The following NNT variants were observed in gnomAD, a reference collection of about 807,000 sequenced individuals.
The protein encoded by NNT is nicotinamide nucleotide transhydrogenase, also known as NAD(P) transhydrogenase, mitochondrial.
In NNT, 50 loss-of-function variants were observed where a neutral mutation model predicts 104.8. That is an observed-to-expected ratio of 0.48 (90% CI 0.38 to 0.60). The LOEUF (loss-of-function observed/expected upper bound fraction) is 0.60. NNT is among the 20% of genes least tolerant of loss of function. The probability of loss-of-function intolerance (pLI) is 0.00; values close to 1 mark genes in which losing one functional copy is unlikely to be tolerated. For synonymous variants in NNT, 461 were observed against 490.4 expected (o/e 0.94, Z 0.79); for missense variants, 1,131 against 1,330.7 (o/e 0.85, Z 2.33).
chr5:43,632,928 G>C (rs1246999856), intron 7 of NNT, among the ~76,000 whole-genome samples: 5 of 152,164 alleles, frequency 3.3e-5, no homozygotes, highest in Non-Finnish European at 1.5e-5. Flanking sequence ...TTGGGGAGGG[G>C]AGTATGGTGT....
chr5:43,651,517 G>C (rs2111896375), intron 12 of NNT, among the ~76,000 whole-genome samples: 1 of 152,196 alleles, frequency 6.6e-6, no homozygotes, highest in Middle Eastern at 3.4e-3. Flanking sequence ...GGCGGAGATT[G>C]CAGTGAGCCA....
At position 43,615,724 on chromosome 5, in the gene NNT, T is replaced by C. The variant is rs915621343; in HGVS notation, c.382-124T>C. The C allele has an allele frequency of 1.9e-5, 15 of 782,480 alleles. No individual in the cohort carries two copies. In the South Asian group the frequency reaches 2.1e-4, roughly 11 times the overall value. 48.5% of individuals were successfully genotyped at this position (782,480 alleles called of 1,614,324 possible). A position where few individuals can be genotyped will look rare whatever the true frequency, so the allele number is the denominator to read the frequency against. ...TGCTTAAGAATTTAGTCAGAAATTA[T>C]TGATGGAAGATTTATTTCTGGAGTA... On this transcript the variant is annotated intron_variant, in intron 3 of 21. Transcript: ENST00000344920.
In NNT at chr5:43,644,338, G is replaced by A. The variant is rs1224114766; in HGVS notation, c.1098+13G>A. ...CTACATTCATAAGGTATAGCAAGATGCGTTTTCTATCTGTGATCACTTCTC... is the reference window on the plus strand; with the variant it reads ...CTACATTCATAAGGTATAGCAAGATACGTTTTCTATCTGTGATCACTTCTC... On this transcript the variant is annotated intron_variant, in intron 8 of 21. Transcript: ENST00000344920. The A allele has an allele frequency of 6.2e-7, 1 of 1,610,194 alleles. No individual in the cohort carries two copies. Among genetic ancestry groups the A allele is most frequent in the Non-Finnish European group, 8.5e-7 (1 of 1,179,246 alleles).
intron 19 of NNT, among the ~76,000 whole-genome samples, chr5:43,683,822 C>A (rs1365108075): frequency 6.6e-6 from 1 of 151,680 alleles, no homozygotes; most frequent in African/African-American, 2.4e-5. Context: ...TTTCTGGTAT[C>A]ATTCTTCATA....
chr5:43,683,889 T>C (rs776595572), intron 19 of NNT, among the ~76,000 whole-genome samples: 4 of 152,208 alleles, frequency 2.6e-5, no homozygotes, highest in African/African-American at 7.2e-5. Context: ...GTTTCTATTC[T>C]GGGCCTGGTA....
At chr5:43,688,877 A>G (rs1488074875) in intron 19 of NNT, among the ~76,000 whole-genome samples, 1 of 152,210 alleles carries the variant, frequency 6.6e-6, no homozygotes, top group Non-Finnish European at 1.5e-5. Flanking sequence ...TCTTTTTTGT[A>G]TAATGAATTC....
At chr5:43,620,423 T>C (rs1750022430) in intron 5 of NNT, among the ~76,000 whole-genome samples, 1 of 151,984 alleles carries the variant, frequency 6.6e-6, no homozygotes, top group South Asian at 2.1e-4. Flanking sequence ...GGTTTCACCA[T>C]GTTGGCGAGG....
chr5:43,616,637 C>G (rs1749806402), intron 4 of NNT, among the ~76,000 whole-genome samples: 1 of 152,128 alleles, frequency 6.6e-6, no homozygotes, highest in Non-Finnish European at 1.5e-5. Flanking sequence ...CTTCATTTGC[C>G]CAATAGCACT....
intron 2 of NNT, 113 bp downstream of exon 2, chr5:43,609,459 T>A: frequency 2.0e-6 from 2 of 992,870 alleles, no homozygotes; most frequent in East Asian, 5.1e-5. Context: ...TGCTTGTGAG[T>A]GATCATTTTA....
At chr5:43,620,645 G>T (rs1053980593) in intron 5 of NNT, among the ~76,000 whole-genome samples, 11 of 152,088 alleles carry the variant, frequency 7.2e-5, no homozygotes, top group African/African-American at 1.7e-4. Flanking sequence ...TGAAAAACAG[G>T]CCAGGTGAAA....
intron 17 of NNT, among the ~76,000 whole-genome samples, chr5:43,663,429 A>C (rs2111995237): frequency 6.6e-6 from 1 of 152,332 alleles, no homozygotes; most frequent in East Asian, 1.9e-4. Context: ...TTGTTACAAA[A>C]CAAGTCAGAA....
intron 19 of NNT, among the ~76,000 whole-genome samples, chr5:43,690,741 C>T (rs1742227597): frequency 6.6e-6 from 1 of 152,054 alleles, no homozygotes; most frequent in Non-Finnish European, 1.5e-5. Context: ...TGATCATGCC[C>T]ACTGCCAACC....
intron 18 of NNT, among the ~76,000 whole-genome samples, chr5:43,677,029 C>T (rs1469221517): frequency 6.6e-6 from 1 of 151,874 alleles, no homozygotes; most frequent in Non-Finnish European, 1.5e-5. Flanking sequence ...CTTGGTTATA[C>T]CTGTAATAAC....
intron 18 of NNT, among the ~76,000 whole-genome samples, chr5:43,677,090 A>G (rs1741452914): frequency 6.6e-6 from 1 of 151,850 alleles, no homozygotes; most frequent in African/African-American, 2.4e-5. Context: ...GGAAATTTTG[A>G]GTTCTTTTTT....
intron 16 of NNT, 45 bp from the exon 17 acceptor site, chr5:43,659,125 AT>A: frequency 6.6e-7 from 1 of 1,505,582 alleles, no homozygotes; most frequent in Non-Finnish European, 8.9e-7. Context: ...CAGAGGTTTT[AT>A]TTTTATGTTA....
chr5:43,653,044 C>T lies in NNT; in HGVS notation c.1890C>T (p.Cys630=), dbSNP rs1204681854. ...EQIMYLGSGL[C]CVGALAGLST... ...TCATGTACCTAGGCTCGGGTTTGTGCTGTGTCGGTGCCTTGGCTGGCCTCT... is the reference window on the plus strand; with the variant it reads ...TCATGTACCTAGGCTCGGGTTTGTGTTGTGTCGGTGCCTTGGCTGGCCTCT... The change falls in exon 14 of 22, where the codon TGC becomes TGT. Residue 630 remains cysteine, a synonymous_variant. Coordinates refer to ENST00000344920, the MANE Select transcript of NNT (RefSeq NM_182977.3). 1 of 1,613,872 alleles carries T rather than the reference C, an allele frequency of 6.2e-7. No homozygotes were observed. Among genetic ancestry groups the T allele is most frequent in the Non-Finnish European group, 8.5e-7 (1 of 1,179,916 alleles).
At chr5:43,642,255 C>T (rs1052403872) in intron 7 of NNT, among the ~76,000 whole-genome samples, 11 of 152,106 alleles carry the variant, frequency 7.2e-5, no homozygotes, top group Admixed American at 2.6e-4. Context: ...GTACAGGTAG[C>T]CCTTTAAATG....
chr5:43,650,672 G>T (rs1739711335), intron 12 of NNT, 85 bp downstream of exon 12: 3 of 1,005,746 alleles, frequency 3.0e-6, no homozygotes, highest in Middle Eastern at 2.3e-4. Flanking sequence ...AGACATAATT[G>T]TGCCTTCAAA....
At chr5:43,644,128 A>C in intron 7 of NNT, 64 bp from the exon 8 acceptor site, 1 of 1,448,100 alleles carries the variant, frequency 6.9e-7, no homozygotes, top group Non-Finnish European at 9.4e-7. Context: ...CTACTGTAAT[A>C]ATTAGACTTT....
Sources: gnomAD v4.1 joint callset for allele counts (sites outside exome capture counted in the v4.1 genomes callset) on GRCh38, gnomAD v4.1.1 for gene constraint, MANE v1.5 for transcripts, NCBI Gene and HGNC (gene_info 2026-07-23, HGNC 2026-07-21) for gene names.